Variants in WDR36 observed in about 807,000 individuals in gnomAD.
WDR36 encodes the protein WD repeat domain 36.
In WDR36, 63 loss-of-function variants were observed where a neutral mutation model predicts 112.7. That is an observed-to-expected ratio of 0.56 (90% CI 0.46 to 0.69). The LOEUF is 0.69. WDR36 is among the 30% of genes least tolerant of loss of function. The pLI, the probability that WDR36 is intolerant of heterozygous loss-of-function variation, is 0.00. For synonymous variants in WDR36, 410 were observed against 362.2 expected (o/e 1.13, Z -1.50); for missense variants, 1,226 against 1,070.3 (o/e 1.15, Z -2.03).
chr5:111,118,229 TC>T (rs1242417162), intron 16 of WDR36, among the ~76,000 whole-genome samples: 1 of 152,216 alleles, frequency 6.6e-6, no homozygotes, highest in Non-Finnish European at 1.5e-5. Flanking sequence ...AATTGTATTT[TC>T]CCTTGCCTTA....
chr5:111,125,912 C>T (rs1218199007), intron 22 of WDR36, 117 bp downstream of exon 22: 1 of 984,696 alleles, frequency 1.0e-6, no homozygotes, highest in Non-Finnish European at 1.6e-6. Context: ...GTATCATAGC[C>T]ACTTGCCACA....
At chr5:111,101,613 ACTT>A (rs1226513569) in intron 5 of WDR36, among the ~76,000 whole-genome samples, 1 of 151,872 alleles carries the variant, frequency 6.6e-6, no homozygotes, top group East Asian at 1.9e-4. Flanking sequence ...GGCAGCTCAC[ACTT>A]CTTTGTATAG....
chr5:111,122,300 T>C (rs1350681519), intron 19 of WDR36, among the ~76,000 whole-genome samples: 1 of 152,230 alleles, frequency 6.6e-6, no homozygotes, highest in Non-Finnish European at 1.5e-5. Context: ...TTGGGGCTAC[T>C]GTGGTCCTCA....
chr5:111,102,255 C>T, intron 5 of WDR36, 90 bp from the exon 6 acceptor site: 1 of 928,894 alleles, frequency 1.1e-6, no homozygotes. Context: ...TAAATATCAC[C>T]TATTATTATT....
chr5:111,099,464 T>TTTTTTTTG (rs1753072243), intron 4 of WDR36, among the ~76,000 whole-genome samples: 1 of 15,708 alleles, frequency 6.4e-5, no homozygotes, highest in African/African-American at 3.1e-4. Flanking sequence ...TTTTTTTTTG[T>TTTTTTTTG]TTTTTTTTTT....
At chr5:111,098,213 G>A (rs1753035244) in intron 3 of WDR36, among the ~76,000 whole-genome samples, 1 of 152,142 alleles carries the variant, frequency 6.6e-6, no homozygotes, top group Non-Finnish European at 1.5e-5. Context: ...AGTGAGAACT[G>A]AAACCATGGA....
intron 12 of WDR36, among the ~76,000 whole-genome samples, chr5:111,108,385 T>C (rs1753261036): frequency 6.6e-6 from 1 of 151,350 alleles, no homozygotes; most frequent in South Asian, 2.1e-4. Flanking sequence ...TTTTAATAGA[T>C]GCCTCTGCTT....
At chr5:111,112,989 A>G in intron 15 of WDR36, 85 bp from the exon 16 acceptor site, 1 of 283,750 alleles carries the variant, frequency 3.5e-6, no homozygotes, top group Non-Finnish European at 5.7e-6. Flanking sequence ...CTATATATAC[A>G]TACACACATA....
rs367672941 is a variant in WDR36, at chr5:111,110,479, A to G, written c.1441+176A>G. On this transcript the variant is annotated intron_variant, in intron 13 of 22. Transcript: ENST00000513710. ...TCATAAGGACCATGTTGAAAGAGAAAAGTCATGGGTACTTAAAGAGTTACG... is the reference window on the plus strand; with the variant it reads ...TCATAAGGACCATGTTGAAAGAGAAGAGTCATGGGTACTTAAAGAGTTACG... Among the ~76,000 whole-genome samples the G allele has an allele frequency of 7.3e-5, 11 of 151,638 alleles. No individual in the cohort carries two copies. In the East Asian group the frequency reaches 9.6e-4, roughly 13 times the overall value.
In WDR36 at chr5:111,128,392, G is replaced by A. The variant is rs533589393; in HGVS notation, c.*1509G>A. The A allele has an allele frequency of 1.0e-4, 19 of 182,986 alleles. No homozygotes were observed. Among genetic ancestry groups the A allele is most frequent in the South Asian group, 9.8e-4 (5 of 5,088 alleles). 11.3% of individuals were successfully genotyped at this position (182,986 alleles called of 1,614,324 possible). On this transcript the variant is annotated 3_prime_UTR_variant, in exon 23 of 23. Coordinates refer to ENST00000513710, the MANE Select transcript of WDR36 (RefSeq NM_139281.3). ...CAATGTGGTTATTGTACTCAATTTC[G>A]TTTTTCTTTTAGAAATGTGTATTGA...
Position 111,129,765 on chromosome 5 carries a change from CA to C in WDR36, c.*2883del. 1 of 200,912 alleles carries C rather than the reference CA, an allele frequency of 5.0e-6. No homozygotes were observed. The highest frequency in any genetic ancestry group is 1.0e-5 in the Non-Finnish European group (1 of 97,576). 12.4% of individuals were successfully genotyped at this position (200,912 alleles called of 1,614,324 possible). A position where few individuals can be genotyped will look rare whatever the true frequency, so the allele number is the denominator to read the frequency against. ...ATATAAAGCAAATTATTTTCTAAGA[CA>C]TTTACAGTGTATGTTTTCCTATGTT... is the stretch of plus-strand genomic sequence containing the variant. On this transcript the variant is annotated 3_prime_UTR_variant, in exon 23 of 23. Coordinates refer to ENST00000513710, the MANE Select transcript of WDR36 (RefSeq NM_139281.3).
chr5:111,093,259 G>A (rs971292352), intron 1 of WDR36, among the ~76,000 whole-genome samples: 2 of 152,134 alleles, frequency 1.3e-5, no homozygotes, highest in African/African-American at 4.8e-5. Flanking sequence ...ACAGTTCATC[G>A]ATCATTGTAA....
intron 1 of WDR36, among the ~76,000 whole-genome samples, chr5:111,093,341 G>A (rs1231136479): frequency 6.6e-6 from 1 of 152,218 alleles, no homozygotes; most frequent in Admixed American, 6.5e-5. Context: ...CAGAAACCTT[G>A]ATGAGGAGGA....
At position 111,129,446 on chromosome 5, in the gene WDR36, T is replaced by G; in HGVS notation, c.*2563T>G. ...TTTAATTACTCTGAAAAAATTATTT[T>G]GGTTTTAAATCAGAAATTTCTCACT... is the stretch of plus-strand genomic sequence containing the variant. On this transcript the variant is annotated 3_prime_UTR_variant, in exon 23 of 23. Transcript: ENST00000513710. 1 of 193,382 alleles carries G rather than the reference T, an allele frequency of 5.2e-6. No homozygotes were observed. Among genetic ancestry groups the G allele is most frequent in the Non-Finnish European group, 1.1e-5 (1 of 92,550 alleles). The allele number at this position is 193,382 out of a possible 1,614,324, so 12.0% of individuals were successfully genotyped here.
intron 19 of WDR36, among the ~76,000 whole-genome samples, chr5:111,122,130 T>C (rs1317553609): frequency 5.3e-5 from 8 of 152,314 alleles, no homozygotes; most frequent in African/African-American, 1.9e-4. Context: ...AAAGGTGTGC[T>C]GTCTAGGAGC....
intron 6 of WDR36, among the ~76,000 whole-genome samples, chr5:111,103,479 A>G (rs1213976533): frequency 2.6e-5 from 4 of 151,724 alleles, no homozygotes; most frequent in Non-Finnish European, 5.9e-5. Flanking sequence ...GTGATTTTAT[A>G]CATAGCTTTC....
In WDR36 at chr5:111,097,642, T is replaced by C. The variant is rs138046897; in HGVS notation, c.291+463T>C. On this transcript the variant is annotated intron_variant, in intron 3 of 22. Coordinates refer to ENST00000513710, the MANE Select transcript of WDR36 (RefSeq NM_139281.3). ...TGCCTGTTCGCTGTTTAGAGAAAGCTAGATTCTATGTTTTCTCCACTGCTA... is the reference window on the plus strand; with the variant it reads ...TGCCTGTTCGCTGTTTAGAGAAAGCCAGATTCTATGTTTTCTCCACTGCTA... Among the ~76,000 whole-genome samples, 110 of 152,358 alleles carry C rather than the reference T, an allele frequency of 7.2e-4. 1 individual carries two copies. The East Asian group carries it at 0.011, about 15-fold the overall frequency.
At chr5:111,092,658 C>T (rs745707516) in intron 1 of WDR36, 40 bp downstream of exon 1, 22 of 1,584,202 alleles carry the variant, frequency 1.4e-5, no homozygotes, top group Admixed American at 1.1e-4. Flanking sequence ...GAAAACCACC[C>T]TCCTTGGCCT....
Position 111,129,592 on chromosome 5 carries a change from G to A in WDR36, c.*2709G>A, listed in dbSNP as rs1216902171. 1 of 204,628 alleles carries A rather than the reference G, an allele frequency of 4.9e-6. No homozygotes were observed. The highest frequency in any genetic ancestry group is 2.3e-5 in the African/African-American group (1 of 43,714). 12.7% of individuals were successfully genotyped at this position (204,628 alleles called of 1,614,324 possible). ...CTTTTATCTCATGGATTTGTTAGGA[G>A]TTCTCTTGTATTTTCTGTATTTTAT... On this transcript the variant is annotated 3_prime_UTR_variant, in exon 23 of 23. Transcript: ENST00000513710.
Sources: gnomAD v4.1 joint callset for allele counts (sites outside exome capture counted in the v4.1 genomes callset) on GRCh38, gnomAD v4.1.1 for gene constraint, MANE v1.5 for transcripts, NCBI Gene and HGNC (gene_info 2026-07-23, HGNC 2026-07-21) for gene names.